CFAP20DC: variants seen among roughly 807,000 people sequenced by gnomAD.
CFAP20DC encodes protein CFAP20DC.
CFAP20DC carries 84 observed loss-of-function variants against 101.7 expected under a neutral mutation model. The observed-to-expected ratio is 0.83, with a 90% CI of 0.69 to 0.99. The LOEUF (loss-of-function observed/expected upper bound fraction) is 0.99, where lower values mean the gene tolerates loss of function less well. Among genes scored for constraint, CFAP20DC ranks in the 50% least tolerant of loss-of-function variants. The probability of loss-of-function intolerance (pLI) is 0.00; values close to 1 mark genes in which losing one functional copy is unlikely to be tolerated. For missense variants in CFAP20DC, 1,007 were observed against 970.3 expected (o/e 1.04, Z -0.50); for synonymous variants, 359 against 351.2 (o/e 1.02, Z -0.25).
chr3:58,778,188 C>A (rs1003855611), intron 15 of CFAP20DC, among the ~76,000 whole-genome samples: 6 of 152,160 alleles, frequency 3.9e-5, no homozygotes, highest in African/African-American at 1.2e-4. Context: ...CCCCCACCTG[C>A]GCATTTTGCC....
At chr3:58,915,028 AG>A (rs2084532699) in intron 5 of CFAP20DC, 1 of 152,236 alleles carries the variant, frequency 6.6e-6, no homozygotes, top group South Asian at 2.1e-4. Context: ...CAGTGAGGCC[AG>A]GTTTCAGAGC....
At chr3:58,936,213 A>G in intron 5 of CFAP20DC, among the ~76,000 whole-genome samples, 1 of 151,878 alleles carries the variant, frequency 6.6e-6, no homozygotes, top group African/African-American at 2.4e-5. Flanking sequence ...GCAAATCAAA[A>G]CCACAATGAG....
At chr3:59,009,433 T>C (rs2093527028) in intron 4 of CFAP20DC, among the ~76,000 whole-genome samples, 1 of 151,684 alleles carries the variant, frequency 6.6e-6, no homozygotes, top group African/African-American at 2.4e-5. Flanking sequence ...ACATACAGGA[T>C]ATGAATGAAA....
At chr3:58,918,487 C>T (rs547307732) in intron 5 of CFAP20DC, among the ~76,000 whole-genome samples, 2 of 152,200 alleles carry the variant, frequency 1.3e-5, no homozygotes, top group Non-Finnish European at 2.9e-5. Flanking sequence ...GGTCCTTTAA[C>T]TCTTTTTCCT....
At chr3:58,811,241 T>C (rs762271126) in intron 14 of CFAP20DC, among the ~76,000 whole-genome samples, 3 of 152,088 alleles carry the variant, frequency 2.0e-5, no homozygotes, top group Non-Finnish European at 4.4e-5. Context: ...GAGCCCGCAT[T>C]GCCAAGTCCA....
intron 4 of CFAP20DC, among the ~76,000 whole-genome samples, chr3:58,949,052 T>C (rs961476375): frequency 6.6e-6 from 1 of 152,206 alleles, no homozygotes; most frequent in African/African-American, 2.4e-5. Context: ...ATCCATTTCT[T>C]CTAGATTTTC....
chr3:58,986,991 C>G (rs919934639), intron 4 of CFAP20DC, among the ~76,000 whole-genome samples: 1 of 151,800 alleles, frequency 6.6e-6, no homozygotes, highest in African/African-American at 2.4e-5. Context: ...AAATAGGATA[C>G]CATAAACAAC....
intron 12 of CFAP20DC, among the ~76,000 whole-genome samples, chr3:58,858,624 A>G (rs1229963771): frequency 6.6e-6 from 1 of 152,230 alleles, no homozygotes; most frequent in Non-Finnish European, 1.5e-5. Context: ...TCATATTTCA[A>G]TGGAGTTTTA....
chr3:59,047,277 T>A lies in CFAP20DC; in HGVS notation c.22-23A>T, dbSNP rs533637518. 76 of 1,427,390 alleles carry A rather than the reference T, an allele frequency of 5.3e-5. 1 individual carries two copies. In the South Asian group the frequency reaches 9.3e-4, roughly 17 times the overall value. The allele number at this position is 1,427,390 out of a possible 1,614,324, so 88.4% of individuals were successfully genotyped here. A position where few individuals can be genotyped will look rare whatever the true frequency, so the allele number is the denominator to read the frequency against. ...TCCCTAGAAAATGAAAATAAAATATTAAAAGACAATGCTAACGAGGAAGTA... is the reference window on the plus strand; with the variant it reads ...TCCCTAGAAAATGAAAATAAAATATAAAAAGACAATGCTAACGAGGAAGTA... On this transcript the variant is annotated intron_variant, in intron 1 of 16. Coordinates refer to ENST00000482387, the MANE Select transcript of CFAP20DC (RefSeq NM_001394063.1).
chr3:58,999,910 T>C (rs1158923488), intron 4 of CFAP20DC, among the ~76,000 whole-genome samples: 1 of 149,748 alleles, frequency 6.7e-6, no homozygotes. Flanking sequence ...GAGAGGGTTC[T>C]TATGCTTGCT....
chr3:58,933,968 T>G (rs1029246394), intron 5 of CFAP20DC, among the ~76,000 whole-genome samples: 3 of 151,830 alleles, frequency 2.0e-5, no homozygotes, highest in African/African-American at 7.3e-5. Context: ...CTTCAAAAAA[T>G]TAATGAATCC....
At chr3:58,995,458 A>T (rs2093087615) in intron 4 of CFAP20DC, among the ~76,000 whole-genome samples, 1 of 152,132 alleles carries the variant, frequency 6.6e-6, no homozygotes, top group Non-Finnish European at 1.5e-5. Flanking sequence ...AAGTAGTCTA[A>T]GTAATTAATT....
chr3:58,959,943 A>G lies in CFAP20DC; in HGVS notation c.279-22181T>C, dbSNP rs564273105. Among the ~76,000 whole-genome samples, 105 of 152,320 alleles carry G rather than the reference A, an allele frequency of 6.9e-4. 3 individuals carry two copies. The South Asian group carries it at 0.021, about 30-fold the overall frequency. ...CAGTGTTCTGTAATTTTCAGCATAC[A>G]AATCTTGCACTACCTTTGTTAAATT... is the stretch of plus-strand genomic sequence containing the variant. On this transcript the variant is annotated intron_variant, in intron 4 of 16. Transcript: ENST00000482387.
intron 15 of CFAP20DC, among the ~76,000 whole-genome samples, chr3:58,796,970 C>T (rs1027646465): frequency 1.3e-5 from 2 of 152,102 alleles, no homozygotes; most frequent in African/African-American, 2.4e-5. Context: ...TTAGTAAATG[C>T]GGTTTGTATT....
chr3:58,823,024 C>T (rs982636541), intron 14 of CFAP20DC, among the ~76,000 whole-genome samples: 4 of 152,136 alleles, frequency 2.6e-5, no homozygotes, highest in African/African-American at 9.7e-5. Flanking sequence ...TCCATTAGCT[C>T]ATATCTCCTT....
At chr3:58,808,584 C>T (rs748259946) in intron 14 of CFAP20DC, among the ~76,000 whole-genome samples, 1 of 152,166 alleles carries the variant, frequency 6.6e-6, no homozygotes, top group South Asian at 2.1e-4. Flanking sequence ...TGGAAAGGAC[C>T]AACCAGTACC....
intron 15 of CFAP20DC, among the ~76,000 whole-genome samples, chr3:58,778,944 T>C (rs766549072): frequency 6.6e-5 from 10 of 152,266 alleles, no homozygotes; most frequent in Admixed American, 4.6e-4. Context: ...ACCAACACCA[T>C]AGATACATAT....
chr3:58,922,927 A>G (rs779227886), intron 5 of CFAP20DC, among the ~76,000 whole-genome samples: 38 of 152,128 alleles, frequency 2.5e-4, no homozygotes, highest in Non-Finnish European at 4.3e-4. Context: ...AAGCTCATAA[A>G]AGTATATTAC....
At chr3:58,995,585 T>C (rs1490312451) in intron 4 of CFAP20DC, among the ~76,000 whole-genome samples, 7 of 152,180 alleles carry the variant, frequency 4.6e-5, no homozygotes, top group Non-Finnish European at 8.8e-5. Context: ...AATGGGCTCT[T>C]GGGTCCCCAG....
Sources: allele counts gnomAD v4.1 joint callset (sites outside exome capture counted in the v4.1 genomes callset), GRCh38; gene constraint gnomAD v4.1.1; transcripts MANE v1.5; gene names NCBI Gene and HGNC (gene_info 2026-07-23, HGNC 2026-07-21).